Variants in ADAMTSL1 observed in about 807,000 individuals in gnomAD.
ADAMTSL1 encodes the protein ADAMTS like 1.
Under a neutral mutation model 201.8 loss-of-function variants are expected in ADAMTSL1, and 126 were observed. The observed-to-expected ratio is 0.62, with a 90% CI of 0.54 to 0.72. The LOEUF (loss-of-function observed/expected upper bound fraction) is 0.72. Among genes scored for constraint, ADAMTSL1 ranks in the 30% least tolerant of loss-of-function variants. ADAMTSL1 has a pLI of 0.00. For synonymous variants in ADAMTSL1, 1,121 were observed against 903.4 expected (o/e 1.24, Z -4.32); for missense variants, 2,679 against 2,277.8 (o/e 1.18, Z -3.59).
intron 1 of ADAMTSL1, among the ~76,000 whole-genome samples, chr9:17,947,340 CACACA>C (rs1563913364): frequency 2.7e-5 from 4 of 147,772 alleles, no homozygotes; most frequent in East Asian, 2.1e-4. Flanking sequence ...CACACACACA[CACACA>C]CCCCACTATG....
At chr9:18,658,116 A>G (rs1587822470) in intron 8 of ADAMTSL1, among the ~76,000 whole-genome samples, 1 of 152,126 alleles carries the variant, frequency 6.6e-6, no homozygotes, top group Non-Finnish European at 1.5e-5. Flanking sequence ...CTGGGACTGC[A>G]GGCGCCCGCC....
intron 1 of ADAMTSL1, among the ~76,000 whole-genome samples, chr9:18,492,724 T>A (rs1822328228): frequency 6.6e-6 from 1 of 152,214 alleles, no homozygotes; most frequent in Non-Finnish European, 1.5e-5. Context: ...TGAAATAGAC[T>A]AATTTAGAAT....
chr9:18,080,058 AC>A (rs1461269630), intron 1 of ADAMTSL1, among the ~76,000 whole-genome samples: 2 of 152,226 alleles, frequency 1.3e-5, no homozygotes, highest in African/African-American at 4.8e-5. Context: ...TCCAAGTGTT[AC>A]CATAGGAGAG....
At chr9:18,586,586 A>G (rs566849214) in intron 4 of ADAMTSL1, among the ~76,000 whole-genome samples, 1 of 152,326 alleles carries the variant, frequency 6.6e-6, no homozygotes, top group Non-Finnish European at 1.5e-5. Flanking sequence ...AGAACTAGAA[A>G]AAAAACTATT....
chr9:18,810,706 T>C lies in ADAMTSL1; in HGVS notation c.3806-6403T>C, dbSNP rs186374466. Among the ~76,000 whole-genome samples the C allele has an allele frequency of 2.6e-5, 4 of 152,314 alleles. No homozygotes were observed. The East Asian group carries it at 7.7e-4, about 29-fold the overall frequency. On this transcript the variant is annotated intron_variant, in intron 20 of 28. Coordinates refer to ENST00000380548, the MANE Select transcript of ADAMTSL1 (RefSeq NM_001040272.6). ...GTCTTTTCATTGTATTTTGTAGTCATGTGCATGAAGTTCTGTATTTTATTC... is the reference window on the plus strand; with the variant it reads ...GTCTTTTCATTGTATTTTGTAGTCACGTGCATGAAGTTCTGTATTTTATTC...
intron 13 of ADAMTSL1, among the ~76,000 whole-genome samples, chr9:18,686,954 T>A (rs1165054310): frequency 6.6e-6 from 1 of 152,204 alleles, no homozygotes; most frequent in East Asian, 1.9e-4. Context: ...GTTTTAGCCA[T>A]TGAAAGTATA....
At chr9:18,076,282 G>A (rs181844538) in intron 1 of ADAMTSL1, among the ~76,000 whole-genome samples, 2 of 152,288 alleles carry the variant, frequency 1.3e-5, no homozygotes, top group East Asian at 1.9e-4. Flanking sequence ...CTGTGCTACC[G>A]GATTAATACA....
At chr9:18,584,555 C>T (rs1231167884) in intron 4 of ADAMTSL1, among the ~76,000 whole-genome samples, 1 of 152,228 alleles carries the variant, frequency 6.6e-6, no homozygotes, top group Non-Finnish European at 1.5e-5. Flanking sequence ...ACTCATCTTT[C>T]TTCCAGTATC....
At chr9:17,921,352 G>T (rs35431891) in intron 1 of ADAMTSL1, among the ~76,000 whole-genome samples, 1 of 152,012 alleles carries the variant, frequency 6.6e-6, no homozygotes, top group Non-Finnish European at 1.5e-5. Context: ...CTCTCTGCCC[G>T]CACAATTCTG....
intron 21 of ADAMTSL1, among the ~76,000 whole-genome samples, chr9:18,821,936 A>G (rs891911777): frequency 1.3e-5 from 2 of 152,196 alleles, no homozygotes; most frequent in African/African-American, 4.8e-5. Context: ...TGGCAGCTCC[A>G]TGGACATCAA....
intron 20 of ADAMTSL1, among the ~76,000 whole-genome samples, chr9:18,800,904 G>C (rs1456451644): frequency 1.3e-5 from 2 of 152,150 alleles, no homozygotes; most frequent in Admixed American, 1.3e-4. Flanking sequence ...ATTCTACTTA[G>C]ACGCCATCAA....
intron 2 of ADAMTSL1, among the ~76,000 whole-genome samples, chr9:18,291,417 A>G (rs1242037034): frequency 1.3e-5 from 2 of 152,080 alleles, no homozygotes; most frequent in Non-Finnish European, 1.5e-5. Context: ...AAATCCTAGC[A>G]CCTCTGGTAT....
chr9:17,952,533 G>T (rs1358041408), intron 1 of ADAMTSL1, among the ~76,000 whole-genome samples: 1 of 151,960 alleles, frequency 6.6e-6, no homozygotes, highest in Non-Finnish European at 1.5e-5. Context: ...TTGTATCTGT[G>T]CTTTGTAGTC....
Position 18,909,724 on chromosome 9 carries a change from G to T in ADAMTSL1, c.*1176G>T, listed in dbSNP as rs1830501924. The T allele has an allele frequency of 6.6e-6, 1 of 152,212 alleles. No homozygotes were observed. The highest frequency in any genetic ancestry group is 2.1e-4 in the South Asian group (1 of 4,834). The allele number at this position is 152,212 out of a possible 1,614,324, so 9.4% of individuals were successfully genotyped here. On this transcript the variant is annotated 3_prime_UTR_variant, in exon 29 of 29. Coordinates refer to ENST00000380548, the MANE Select transcript of ADAMTSL1 (RefSeq NM_001040272.6). ...AGAGCTGGCCCAGGGACCGGGGTGG[G>T]ACAATGGGTTTATGCGTGTCCACAG...
intron 7 of ADAMTSL1, among the ~76,000 whole-genome samples, chr9:18,652,530 T>G (rs1423559388): frequency 2.6e-5 from 4 of 152,158 alleles, no homozygotes; most frequent in Non-Finnish European, 5.9e-5. Flanking sequence ...AGTAGAAAAT[T>G]TATTTCAAGT....
intron 16 of ADAMTSL1, among the ~76,000 whole-genome samples, chr9:18,757,857 A>T (rs1819862447): frequency 6.6e-6 from 1 of 152,214 alleles, no homozygotes; most frequent in African/African-American, 2.4e-5. Flanking sequence ...TTAGAAAGGT[A>T]CATGCCCATT....
intron 2 of ADAMTSL1, among the ~76,000 whole-genome samples, chr9:18,301,120 T>C (rs1361775851): frequency 2.0e-5 from 3 of 152,178 alleles, no homozygotes; most frequent in African/African-American, 7.2e-5. Flanking sequence ...ATTTCATCAA[T>C]CCAAGATACT....
intron 9 of ADAMTSL1, among the ~76,000 whole-genome samples, chr9:18,662,605 A>T (rs756269053): frequency 6.6e-6 from 1 of 152,220 alleles, no homozygotes; most frequent in Admixed American, 6.5e-5. Context: ...CTAAAGAGAA[A>T]GAACTTATTC....
At chr9:18,141,054 G>C (rs1458339177) in intron 1 of ADAMTSL1, among the ~76,000 whole-genome samples, 1 of 152,174 alleles carries the variant, frequency 6.6e-6, no homozygotes. Flanking sequence ...CCTGGAATCA[G>C]AATGATAGTT....
Sources: allele counts gnomAD v4.1 joint callset (sites outside exome capture counted in the v4.1 genomes callset), GRCh38; gene constraint gnomAD v4.1.1; transcripts MANE v1.5; gene names NCBI Gene and HGNC (gene_info 2026-07-23, HGNC 2026-07-21).